SDK2: variants seen among roughly 807,000 people sequenced by gnomAD.
SDK2 encodes the protein protein sidekick-2.
SDK2 carries 105 observed loss-of-function variants against 253.9 expected under a neutral mutation model. The ratio of observed to expected loss-of-function variants is 0.41; its 90% CI spans 0.35 to 0.49. The LOEUF is 0.49. SDK2 is among the 20% of genes least tolerant of loss of function. SDK2 has a pLI of 0.06. For missense variants in SDK2, 2,608 were observed against 3,003.0 expected (o/e 0.87, Z 3.07); for synonymous variants, 1,249 against 1,234.9 (o/e 1.01, Z -0.24).
At chr17:73,462,416 T>C (rs2063570085) in intron 3 of SDK2, among the ~76,000 whole-genome samples, 1 of 147,160 alleles carries the variant, frequency 6.8e-6, no homozygotes. Flanking sequence ...GATGTCCATA[T>C]ATGGATGCAT....
chr17:73,558,745 G>A (rs1366908615), intron 1 of SDK2, among the ~76,000 whole-genome samples: 1 of 151,978 alleles, frequency 6.6e-6, no homozygotes, highest in Admixed American at 6.6e-5. Flanking sequence ...AGAACTTCAG[G>A]GCCCCCGCAC....
intron 1 of SDK2, among the ~76,000 whole-genome samples, chr17:73,558,739 C>T (rs1729642312): frequency 6.6e-6 from 1 of 152,154 alleles, no homozygotes; most frequent in African/African-American, 2.4e-5. Flanking sequence ...GTTAACAGAA[C>T]TTCAGGGCCC....
chr17:73,408,383 A>AT (rs538704048), intron 18 of SDK2, among the ~76,000 whole-genome samples: 181 of 17,856 alleles, frequency 0.01, no homozygotes, highest in African/African-American at 0.026. Context: ...GCGCCTGGCT[A>AT]TTTTTTTTTT....
intron 1 of SDK2, among the ~76,000 whole-genome samples, chr17:73,525,455 T>C (rs912215746): frequency 6.6e-6 from 1 of 152,160 alleles, no homozygotes; most frequent in Non-Finnish European, 1.5e-5. Flanking sequence ...GGTGCTTGGC[T>C]GGTGACAGGG....
chr17:73,616,684 C>T lies in SDK2; in HGVS notation c.64+27341G>A, dbSNP rs2046062104. Among the ~76,000 whole-genome samples the T allele has an allele frequency of 6.6e-6, 1 of 152,166 alleles. No individual in the cohort carries two copies. Among genetic ancestry groups the T allele is most frequent in the Non-Finnish European group, 1.5e-5 (1 of 68,028 alleles). ...TAGTCCAGCTAGTTTTTGCAGAATG[C>T]TGTGAGAGTTACAGGATAGGAAGCC... is the stretch of plus-strand genomic sequence containing the variant. On this transcript the variant is annotated intron_variant, in intron 1 of 44. Coordinates refer to ENST00000392650, the MANE Select transcript of SDK2 (RefSeq NM_001144952.2). This position sits in a 1 kb window ranked among gnomAD's most constrained non-coding sequence, Gnocchi z 5.2.
intron 18 of SDK2, among the ~76,000 whole-genome samples, chr17:73,411,788 ATTT>A (rs33985713): frequency 1.1e-3 from 145 of 135,842 alleles, no homozygotes; most frequent in South Asian, 2.9e-3. Flanking sequence ...TATTACTGCT[ATTT>A]TTTTTTTTTT....
intron 1 of SDK2, among the ~76,000 whole-genome samples, chr17:73,592,072 C>T (rs967309369): frequency 5.3e-5 from 8 of 152,234 alleles, no homozygotes; most frequent in Non-Finnish European, 1.0e-4. Flanking sequence ...AAACCTCATG[C>T]TGATCCCAGG....
At chr17:73,562,050 C>A (rs772722556) in intron 1 of SDK2, among the ~76,000 whole-genome samples, 1 of 152,044 alleles carries the variant, frequency 6.6e-6, no homozygotes, top group African/African-American at 2.4e-5. Flanking sequence ...TGCTTGAACC[C>A]GGGAGGCAGA....
At chr17:73,479,547 G>T (rs2063708708) in intron 2 of SDK2, among the ~76,000 whole-genome samples, 1 of 152,152 alleles carries the variant, frequency 6.6e-6, no homozygotes, top group Admixed American at 6.5e-5. Flanking sequence ...AAAGGGAAAA[G>T]AACATGTACC....
chr17:73,528,698 C>T (rs2064145366), intron 1 of SDK2, among the ~76,000 whole-genome samples: 2 of 152,218 alleles, frequency 1.3e-5, no homozygotes, highest in Admixed American at 1.3e-4. Context: ...TCTCTGTTGA[C>T]TCTTTGACAC....
chr17:73,601,521 G>T (rs946010672), intron 1 of SDK2, among the ~76,000 whole-genome samples: 1 of 152,126 alleles, frequency 6.6e-6, no homozygotes, highest in Non-Finnish European at 1.5e-5. Context: ...ACAGGTACAC[G>T]CACAGAGAAA....
intron 1 of SDK2, among the ~76,000 whole-genome samples, chr17:73,631,001 G>A (rs1235312099): frequency 2.0e-5 from 3 of 152,208 alleles, no homozygotes; most frequent in Admixed American, 1.3e-4. Flanking sequence ...CTCTGTCTTC[G>A]TGGGGCTCTG....
intron 12 of SDK2, among the ~76,000 whole-genome samples, chr17:73,424,768 G>A (rs1379799696): frequency 6.6e-6 from 1 of 152,252 alleles, no homozygotes; most frequent in Non-Finnish European, 1.5e-5. Flanking sequence ...CAGTACAAGT[G>A]TGAGGAACCC....
At position 73,481,019 on chromosome 17, in the gene SDK2, G is replaced by T. The variant is rs1420323422; in HGVS notation, c.225-8801C>A. Among the ~76,000 whole-genome samples, 1 of 152,364 alleles carries T rather than the reference G, an allele frequency of 6.6e-6. No individual in the cohort carries two copies. The highest frequency in any genetic ancestry group is 1.9e-4 in the East Asian group (1 of 5,178). ...CTGTGGATGGTACTTGGGGAAGGAT[G>T]CTGTGCTCCTGGCTGGGAGGCTACA... On this transcript the variant is annotated intron_variant, in intron 2 of 44. Coordinates refer to ENST00000392650, the MANE Select transcript of SDK2 (RefSeq NM_001144952.2). This position sits in a 1 kb window ranked among gnomAD's most constrained non-coding sequence, Gnocchi z 4.5.
intron 19 of SDK2, 60 bp from the exon 20 acceptor site, chr17:73,401,812 A>C (rs1599528319): frequency 1.4e-6 from 2 of 1,466,138 alleles, no homozygotes; most frequent in Non-Finnish European, 1.9e-6. Flanking sequence ...AGAGACCACC[A>C]TCTGTGAGAT....
intron 1 of SDK2, among the ~76,000 whole-genome samples, chr17:73,537,917 G>A (rs958334027): frequency 1.3e-5 from 2 of 152,142 alleles, no homozygotes; most frequent in Non-Finnish European, 2.9e-5. Context: ...CCCCCCAAAG[G>A]CTGAAAGAAA....
rs1568365911 is a variant in SDK2 at position 73,361,936 on chromosome 17, C to T, written c.5306-91G>A. 2 of 1,341,356 alleles carry T rather than the reference C, an allele frequency of 1.5e-6. No individual in the cohort carries two copies. Among genetic ancestry groups the T allele is most frequent in the South Asian group, 1.4e-5 (1 of 70,184 alleles). 83.1% of individuals were successfully genotyped at this position (1,341,356 alleles called of 1,614,324 possible). ...AAGGGGAAGCGGCCGTGGCCTGGGC[C>T]CCGGGACCCTGGGTAGGGGCCTCAC... On this transcript the variant is annotated intron_variant, in intron 38 of 44. Coordinates refer to ENST00000392650, the MANE Select transcript of SDK2 (RefSeq NM_001144952.2). This position sits in a 1 kb window ranked among gnomAD's most constrained non-coding sequence, Gnocchi z 4.1.
At chr17:73,364,715 G>A (rs898702106) in intron 38 of SDK2, among the ~76,000 whole-genome samples, 22 of 152,220 alleles carry the variant, frequency 1.4e-4, no homozygotes, top group African/African-American at 5.1e-4. Context: ...TCTGCCTGCC[G>A]GGTTCAAGCG....
chr17:73,515,517 C>T (rs1415401934), intron 1 of SDK2, among the ~76,000 whole-genome samples: 1 of 152,216 alleles, frequency 6.6e-6, no homozygotes, highest in East Asian at 1.9e-4. Flanking sequence ...CCAGAAGAGA[C>T]TGGTCCGCCC....
Sources: gnomAD v4.1 joint callset for allele counts (sites outside exome capture counted in the v4.1 genomes callset) on GRCh38, gnomAD v4.1.1 for gene constraint, Gnocchi (gnomAD v3.1) non-coding constraint, MANE v1.5 for transcripts, NCBI Gene and HGNC (gene_info 2026-07-23, HGNC 2026-07-21) for gene names.